Variants in ZNF329 observed in about 807,000 individuals in gnomAD.
The protein encoded by ZNF329 is zinc finger protein 329.
In ZNF329, 15 loss-of-function variants were observed where a neutral mutation model predicts 26.6. The ratio of observed to expected loss-of-function variants is 0.56; its 90% CI spans 0.38 to 0.87. The LOEUF (loss-of-function observed/expected upper bound fraction) is 0.87, where lower values mean the gene tolerates loss of function less well. Ranked by LOEUF, ZNF329 falls within the 40% of genes least tolerant of loss-of-function variation. The probability of loss-of-function intolerance (pLI) is 0.00; values close to 1 mark genes in which losing one functional copy is unlikely to be tolerated. For missense variants in ZNF329, 651 were observed against 651.9 expected, an observed-to-expected ratio of 1.00 and a Z score of 0.02; for synonymous variants, 239 against 233.5, an observed-to-expected ratio of 1.02 and a Z score of -0.21.
At chr19:58,149,831 A>G (rs1374669801) in intron 1 of ZNF329, among the ~76,000 whole-genome samples, 1 of 152,224 alleles carries the variant, frequency 6.6e-6, no homozygotes, top group East Asian at 1.9e-4. Context: ...CATTTCACTG[A>G]AAGTCAATTT....
At chr19:58,141,567 T>A (rs191737119) in intron 3 of ZNF329, among the ~76,000 whole-genome samples, 294 of 152,150 alleles carry the variant, frequency 1.9e-3, no homozygotes, top group African/African-American at 6.7e-3. Flanking sequence ...AGTGCTGCGA[T>A]TACAGGCATA....
intron 1 of ZNF329, among the ~76,000 whole-genome samples, chr19:58,147,402 C>A (rs1198141187): frequency 6.6e-6 from 1 of 150,546 alleles, no homozygotes; most frequent in African/African-American, 2.5e-5. Context: ...TGGCAGCCAC[C>A]CCGTCCAGGA....
At chr19:58,135,173 C>T (rs1401848213) in intron 3 of ZNF329, among the ~76,000 whole-genome samples, 1 of 152,090 alleles carries the variant, frequency 6.6e-6, no homozygotes, top group Non-Finnish European at 1.5e-5. Context: ...CCTCAAACTC[C>T]AGAGCACAAG....
At chr19:58,149,911 A>G (rs2075411451) in intron 1 of ZNF329, among the ~76,000 whole-genome samples, 1 of 152,204 alleles carries the variant, frequency 6.6e-6, no homozygotes, top group Admixed American at 6.5e-5. Flanking sequence ...TGTTTGAGGG[A>G]GAAGTGTTGT....
chr19:58,138,298 T>C (rs545339237), intron 3 of ZNF329, among the ~76,000 whole-genome samples: 81 of 152,320 alleles, frequency 5.3e-4, no homozygotes, highest in South Asian at 1.9e-3. Context: ...AAAAGTACTT[T>C]AAGGAAACCT....
At chr19:58,138,458 A>C (rs183054434) in intron 3 of ZNF329, among the ~76,000 whole-genome samples, 3 of 152,334 alleles carry the variant, frequency 2.0e-5, no homozygotes, top group Admixed American at 2.0e-4. Context: ...CACAGCATTC[A>C]GCAGTGATGT....
rs770631701 is a variant in ZNF329 at position 58,134,938 on chromosome 19, A to AAAAC, written c.-8-5431_-8-5428dup. On this transcript the variant is annotated intron_variant, in intron 3 of 3. Coordinates refer to ENST00000598312, the MANE Select transcript of ZNF329 (RefSeq NM_024620.4). ...GCAACAGAGCAAAACTCCATCTCAA[A>AAAAC]AAACAAACAAACAAACAATCAACAA... 2.1e-4 allele frequency among the ~76,000 whole-genome samples: 32 copies of AAAAC among 152,278 alleles called. No homozygotes were observed. In the South Asian group the frequency reaches 2.5e-3, roughly 12 times the overall value.
intron 1 of ZNF329, 48 bp from the exon 2 acceptor site, chr19:58,143,246 C>T (rs2075226831): frequency 6.6e-6 from 1 of 152,046 alleles, no homozygotes; most frequent in South Asian, 2.1e-4. Context: ...TATATAGTAT[C>T]TTTGTGGTGA....
At chr19:58,137,446 C>T (rs1220495910) in intron 3 of ZNF329, among the ~76,000 whole-genome samples, 5 of 151,718 alleles carry the variant, frequency 3.3e-5, no homozygotes, top group Non-Finnish European at 5.9e-5. Flanking sequence ...CCTAGCTACT[C>T]GGGAGGCTGA....
chr19:58,137,539 G>A (rs916479913), intron 3 of ZNF329, among the ~76,000 whole-genome samples: 1 of 145,658 alleles, frequency 6.9e-6, no homozygotes, highest in African/African-American at 2.5e-5. Context: ...GGGTGACAGA[G>A]CAAGACTGCC....
chr19:58,133,450 G>A (rs2146077529), intron 3 of ZNF329, among the ~76,000 whole-genome samples: 1 of 152,096 alleles, frequency 6.6e-6, no homozygotes, highest in South Asian at 2.1e-4. Flanking sequence ...GCAGGGTGTG[G>A]TGGCATGCGC....
chr19:58,151,370 G>A (rs2075449078), upstream of ZNF329, among the ~76,000 whole-genome samples: 1 of 152,012 alleles, frequency 6.6e-6, no homozygotes, highest in South Asian at 2.1e-4. Context: ...TAAAACAAAC[G>A]GACTGGGCTC....
chr19:58,127,964 G>A lies in ZNF329; in HGVS notation c.1540C>T (p.Pro514Ser), dbSNP rs116758523. ...LHSREGPSRC[P>S]QCGKMFQKSS... ...TTTTGGAACATTTTTCCACACTGAG[G>A]ACACCGGCTGGGACCCTCCCTGCTA... is the stretch of plus-strand genomic sequence containing the variant. The change falls in exon 4 of 4, where the codon CCT becomes TCT. Residue 514 changes from proline (P) to serine (S), a missense_variant. Pro to Ser is a moderately conservative substitution (Grantham distance 74, BLOSUM62 -1). Transcript: ENST00000598312. The A allele has an allele frequency of 2.1e-4, 336 of 1,613,972 alleles. No homozygotes were observed. The highest frequency in any genetic ancestry group is 2.7e-4 in the Non-Finnish European group (315 of 1,179,978).
At chr19:58,148,187 A>C (rs868324827) in intron 1 of ZNF329, among the ~76,000 whole-genome samples, 11 of 151,916 alleles carry the variant, frequency 7.2e-5, no homozygotes, top group African/African-American at 2.4e-4. Flanking sequence ...CAGATGCTTG[A>C]AGGCAGCATG....
At chr19:58,131,133 G>T (rs2074933407) in intron 3 of ZNF329, among the ~76,000 whole-genome samples, 1 of 151,880 alleles carries the variant, frequency 6.6e-6, no homozygotes, top group South Asian at 2.1e-4. Flanking sequence ...GTGTGTGTGT[G>T]TGTGTGTGCG....
At chr19:58,138,042 A>G (rs1176475688) in intron 3 of ZNF329, among the ~76,000 whole-genome samples, 1 of 152,194 alleles carries the variant, frequency 6.6e-6, no homozygotes, top group African/African-American at 2.4e-5. Flanking sequence ...ATTGTCAGAC[A>G]GGGGTTTAAC....
rs759913466 is a variant in ZNF329, at chr19:58,127,930, G to A, written c.1574C>T (p.Ser525Phe). Residue 525 changes from serine (S) to phenylalanine (F), a missense_variant, in exon 4 of 4, where the codon TCC (serine) becomes TTC (phenylalanine). By Grantham distance (155) the Ser-to-Phe change is radical. Coordinates refer to ENST00000598312, the MANE Select transcript of ZNF329 (RefSeq NM_024620.4). ...GTGTGCTCTTTGATGTCGAACAAGG[G>A]ATGAGCTCTTTTGGAACATTTTTCC... Reference protein sequence around the residue: ...QCGKMFQKSSSLVRHQRAHLG... With the variant: ...QCGKMFQKSSFLVRHQRAHLG... 1.9e-6 allele frequency: 3 copies of A among 1,612,484 alleles called. No homozygotes were observed. The highest frequency in any genetic ancestry group is 2.5e-6 in the Non-Finnish European group (3 of 1,179,172).
intron 3 of ZNF329, among the ~76,000 whole-genome samples, chr19:58,131,749 A>C (rs115476775): frequency 0.019 from 2,815 of 152,040 alleles, 82 homozygotes; most frequent in African/African-American, 0.064. Context: ...ATTGGCTGGG[A>C]GCAGTGGGTC....
At chr19:58,152,725 C>T (rs1010677030), upstream of ZNF329, among the ~76,000 whole-genome samples, 1 of 151,954 alleles carries the variant, frequency 6.6e-6, no homozygotes, top group Non-Finnish European at 1.5e-5. Context: ...GGGGTGGTGG[C>T]GGGTGCCTAT....
Sources: gnomAD v4.1 joint callset for allele counts (sites outside exome capture counted in the v4.1 genomes callset) on GRCh38, gnomAD v4.1.1 for gene constraint, MANE v1.5 for transcripts, NCBI Gene and HGNC (gene_info 2026-07-23, HGNC 2026-07-21) for gene names.